Variants in COA7 observed in about 807,000 individuals in gnomAD.
COA7 encodes the protein cytochrome c oxidase assembly factor 7.
In COA7, 12 loss-of-function variants were observed where a neutral mutation model predicts 21.0. The observed-to-expected ratio is 0.57, with a 90% CI of 0.37 to 0.92. The LOEUF is 0.92. Ranked by LOEUF, COA7 falls within the 40% of genes least tolerant of loss-of-function variation. The pLI is 0.01. For missense variants in COA7, 240 were observed against 286.1 expected (o/e 0.84, Z 1.16); for synonymous variants, 95 against 107.4 (o/e 0.88, Z 0.72).
At chr1:52,697,591 G>T (rs753793820) in intron 1 of COA7, among the ~76,000 whole-genome samples, 2 of 151,672 alleles carry the variant, frequency 1.3e-5, no homozygotes, top group Non-Finnish European at 2.9e-5. Context: ...TATTTTTTTT[G>T]AGACGGAGTC....
At position 52,688,163 on chromosome 1, in the gene COA7, G is replaced by T; in HGVS notation, c.253C>A (p.Leu85Met). The part of the protein sequence containing the change: ...GAYYVTGKGG[L>M]TQDLKAAARC... ...GCGGCAGCTTTCAGGTCCTGGGTCA[G>T]ACCACCTGAGAGGAAGGAAAGTAGG... is the stretch of plus-strand genomic sequence containing the variant. The change falls in exon 3 of 3, where the codon CTG (leucine) becomes ATG (methionine). Residue 85 changes from leucine to methionine, a missense_variant. By Grantham distance (15) the Leu-to-Met change is conservative (BLOSUM62 2). Around this residue, in one of 3 missense-constraint regions of COA7, gnomAD observed 163 missense variants for 214.1 expected, o/e 0.76. Coordinates refer to ENST00000371538, the MANE Select transcript of COA7 (RefSeq NM_023077.3). 1 of 1,608,494 alleles carries T rather than the reference G, an allele frequency of 6.2e-7. No homozygotes were observed. The highest frequency in any genetic ancestry group is 1.1e-5 in the South Asian group (1 of 91,012).
intron 1 of COA7, chr1:52,697,907 A>T: frequency 6.3e-6 from 2 of 317,176 alleles, no homozygotes; most frequent in East Asian, 6.5e-5. Context: ...TTCATGAATT[A>T]CCTGAGGCTT....
Position 52,698,265 on chromosome 1 carries a change from T to A in COA7, c.62A>T (p.Glu21Val). The A allele has an allele frequency of 6.2e-7, 1 of 1,612,894 alleles. No homozygotes were observed. ...EQVKSFLENM[E>V]VECNYHCYHE... The stretch of plus-strand genomic sequence containing the variant: ...GTAGCAGTGGTAGTTGCACTCCACC[T>A]CCATGTTCTCCAAAAAGGACTTGAC... The change falls in exon 1 of 3, where the codon GAG becomes GTG. Residue 21 changes from glutamate (E) to valine (V), a missense_variant. Glu to Val is a moderately radical substitution (Grantham distance 121). This residue lies in a region of COA7 where 71 missense variants were observed against 54.7 expected (regional missense o/e 1.30). Transcript: ENST00000371538.
chr1:52,694,437 G>A (rs976862020), intron 1 of COA7, among the ~76,000 whole-genome samples: 1 of 131,976 alleles, frequency 7.6e-6, no homozygotes, highest in Non-Finnish European at 1.5e-5. Flanking sequence ...TCCAGCCTGG[G>A]CAACAAGAGC....
At chr1:52,690,169 C>T (rs914692348) in intron 2 of COA7, among the ~76,000 whole-genome samples, 1 of 151,638 alleles carries the variant, frequency 6.6e-6, no homozygotes, top group African/African-American at 2.4e-5. Flanking sequence ...ATCTTAAAAA[C>T]AATGGGAAAT....
rs565205051 is a variant in COA7, at chr1:52,689,899, G to A, written c.248-1731C>T. 2.0e-5 allele frequency among the ~76,000 whole-genome samples: 3 copies of A among 152,012 alleles called. No homozygotes were observed. The East Asian group carries it at 5.8e-4, about 30-fold the overall frequency. On this transcript the variant is annotated intron_variant, in intron 2 of 2. Transcript: ENST00000371538. ...AAAATGAGCTGGGCATGGTGGCAGG[G>A]GCCTGTAATGCCAGCCACTCAGGAA...
At chr1:52,692,980 GC>G in intron 1 of COA7, 113 bp from the exon 2 acceptor site, 1 of 1,099,878 alleles carries the variant, frequency 9.1e-7, no homozygotes, top group South Asian at 1.4e-5. Flanking sequence ...TTTTAAGACA[GC>G]CCCTGTCCTC....
At chr1:52,693,861 C>T (rs1351949073) in intron 1 of COA7, among the ~76,000 whole-genome samples, 1 of 152,184 alleles carries the variant, frequency 6.6e-6, no homozygotes, top group Non-Finnish European at 1.5e-5. Flanking sequence ...ATTTGAGCAT[C>T]TCTATGCATC....
chr1:52,693,251 A>C (rs1285013702), intron 1 of COA7, among the ~76,000 whole-genome samples: 2 of 152,222 alleles, frequency 1.3e-5, no homozygotes, highest in African/African-American at 4.8e-5. Flanking sequence ...TGAAAACCTA[A>C]AAGGCTCATA....
At chr1:52,695,077 C>T (rs998341631) in intron 1 of COA7, among the ~76,000 whole-genome samples, 4 of 151,808 alleles carry the variant, frequency 2.6e-5, no homozygotes, top group Middle Eastern at 6.8e-3. Context: ...GTAGATCACT[C>T]GAGGTCAGGA....
chr1:52,684,652 A>C lies in COA7; in HGVS notation c.*3068T>G, dbSNP rs1282547066. 6.6e-6 allele frequency: 1 copy of C among 152,188 alleles called. No individual in the cohort carries two copies. Among genetic ancestry groups the C allele is most frequent in the African/African-American group, 2.4e-5 (1 of 41,436 alleles). 9.4% of individuals were successfully genotyped at this position (152,188 alleles called of 1,614,324 possible). A position where few individuals can be genotyped will look rare whatever the true frequency, so the allele number is the denominator to read the frequency against. On this transcript the variant is annotated 3_prime_UTR_variant, in exon 3 of 3. Coordinates refer to ENST00000371538, the MANE Select transcript of COA7 (RefSeq NM_023077.3). ...TTATCACTCAAAGTCCACAGTTTAC[A>C]TTAGGGTTCACTCTTGGTGTTGTAC... is the stretch of plus-strand genomic sequence containing the variant.
Position 52,686,787 on chromosome 1 carries a change from A to ACT in COA7, c.*931_*932dup, listed in dbSNP as rs1183117305. 2.0e-5 allele frequency: 3 copies of ACT among 152,166 alleles called. No individual in the cohort carries two copies. The highest frequency in any genetic ancestry group is 4.4e-5 in the Non-Finnish European group (3 of 68,052). The allele number at this position is 152,166 out of a possible 1,614,324, so 9.4% of individuals were successfully genotyped here. On this transcript the variant is annotated 3_prime_UTR_variant, in exon 3 of 3. Transcript: ENST00000371538. The stretch of plus-strand genomic sequence containing the variant: ...AAGGCACAACCACCACAAAGAACAT[A>ACT]CTCTCTACGGTACCTGGAATCTGGA...
chr1:52,691,477 T>TG (rs1395114424), intron 2 of COA7, among the ~76,000 whole-genome samples: 1 of 150,490 alleles, frequency 6.6e-6, no homozygotes, highest in African/African-American at 2.4e-5. Context: ...TGTGTTTTTT[T>TG]TTTTTTTTTT....
At position 52,684,900 on chromosome 1, in the gene COA7, T is replaced by C. The variant is rs1571715116; in HGVS notation, c.*2820A>G. The C allele has an allele frequency of 6.6e-6, 1 of 151,734 alleles. No homozygotes were observed. Among genetic ancestry groups the C allele is most frequent in the South Asian group, 2.1e-4 (1 of 4,808 alleles). 9.4% of individuals were successfully genotyped at this position (151,734 alleles called of 1,614,324 possible). A position where few individuals can be genotyped will look rare whatever the true frequency, so the allele number is the denominator to read the frequency against. Reference sequence around the variant, plus strand: ...ATGAAGCCTTTTCAGACTGGCTTCATTTAGTAGCATTCATTTAAGTTCCTC... The same window carrying C: ...ATGAAGCCTTTTCAGACTGGCTTCACTTAGTAGCATTCATTTAAGTTCCTC... On this transcript the variant is annotated 3_prime_UTR_variant, in exon 3 of 3. Coordinates refer to ENST00000371538, the MANE Select transcript of COA7 (RefSeq NM_023077.3).
chr1:52,687,634 T>C lies in COA7; in HGVS notation c.*86A>G. ...TCCCAAGTTTTTTTGCTCCAGCAGG[T>C]TGACCTTCAAGGGCTGCATCAGTCT... On this transcript the variant is annotated 3_prime_UTR_variant, in exon 3 of 3. Transcript: ENST00000371538. The C allele has an allele frequency of 7.3e-7, 1 of 1,365,878 alleles. No homozygotes were observed. The highest frequency in any genetic ancestry group is 1.0e-6 in the Non-Finnish European group (1 of 1,000,548). 84.6% of individuals were successfully genotyped at this position (1,365,878 alleles called of 1,614,324 possible).
At position 52,688,064 on chromosome 1, in the gene COA7, C is replaced by G; in HGVS notation, c.352G>C (p.Ala118Pro). The change falls in exon 3 of 3, where the codon GCA (alanine) becomes CCA (proline). Residue 118 changes from alanine to proline, a missense_variant. By Grantham distance (27) the Ala-to-Pro change is conservative. This residue lies in a region of COA7 where 163 missense variants were observed against 214.1 expected (regional missense o/e 0.76). Transcript: ENST00000371538. ...TCCTCATTAACCTGTCCATCATGTG[C>G]CAGGAGGCCAACGTTGTGACATGCT... ...IAACHNVGLL[A>P]HDGQVNEDGQ... The G allele has an allele frequency of 1.2e-6, 2 of 1,614,166 alleles. No individual in the cohort carries two copies. The highest frequency in any genetic ancestry group is 2.2e-5 in the South Asian group (2 of 91,086).
At chr1:52,696,467 C>T (rs566935763) in intron 1 of COA7, among the ~76,000 whole-genome samples, 12 of 149,228 alleles carry the variant, frequency 8.0e-5, no homozygotes, top group Non-Finnish European at 1.3e-4. Context: ...CCACTGTGCC[C>T]GGCCCAACCC....
Position 52,695,117 on chromosome 1 carries a change from A to C in COA7, c.107-2250T>G, listed in dbSNP as rs139435299. Among the ~76,000 whole-genome samples, 885 of 152,106 alleles carry C rather than the reference A, an allele frequency of 5.8e-3. 53 individuals carry two copies. In the East Asian group the frequency reaches 0.14, roughly 24 times the overall value. ...TAGACCAGCCTGGCTAACATGGTGA[A>C]ATCCCGTCTCTACTAAAAATACAAA... is the stretch of plus-strand genomic sequence containing the variant. On this transcript the variant is annotated intron_variant, in intron 1 of 2. Transcript: ENST00000371538.
At chr1:52,688,267 A>G in intron 2 of COA7, 99 bp from the exon 3 acceptor site, 1 of 940,818 alleles carries the variant, frequency 1.1e-6, no homozygotes, top group Non-Finnish European at 1.6e-6. Context: ...TTTTGGAGAA[A>G]GGGTCTTGCT....
Sources: allele counts gnomAD v4.1 joint callset (sites outside exome capture counted in the v4.1 genomes callset), GRCh38; gene constraint gnomAD v4.1.1; regional missense constraint gnomAD v4.1.1; transcripts MANE v1.5; gene names NCBI Gene and HGNC (gene_info 2026-07-23, HGNC 2026-07-21).